PDE4D: variants seen among roughly 807,000 people sequenced by gnomAD.
PDE4D encodes the protein phosphodiesterase 4D.
A neutral mutation model predicts 87.4 loss-of-function variants in PDE4D; 24 were observed. The ratio of observed to expected loss-of-function variants is 0.27; its 90% CI spans 0.20 to 0.39. The LOEUF is 0.39. Ranked by LOEUF, PDE4D falls within the 10% of genes least tolerant of loss-of-function variation. The pLI is 1.00. For synonymous variants in PDE4D, 384 were observed against 383.2 expected (o/e 1.00, Z -0.02); for missense variants, 714 against 1,041.0 (o/e 0.69, Z 4.32).
chr5:59,055,768 A>G lies in PDE4D; in HGVS notation c.809-16797T>C, dbSNP rs143698567. 1.5e-3 allele frequency among the ~76,000 whole-genome samples: 234 copies of G among 152,310 alleles called. 3 individuals carry two copies. Among genetic ancestry groups the G allele is most frequent in the Non-Finnish European group, 1.9e-3 (132 of 68,034 alleles). On this transcript the variant is annotated intron_variant, in intron 5 of 14. Coordinates refer to ENST00000340635, the MANE Select transcript of PDE4D (RefSeq NM_001104631.2). ...TTTTACCTAGCAAGGAGCCTTTTCTATAGACAAAGTTGGGAAACCAGAGGT... is the reference window on the plus strand; with the variant it reads ...TTTTACCTAGCAAGGAGCCTTTTCTGTAGACAAAGTTGGGAAACCAGAGGT...
At chr5:59,011,045 T>A (rs1432571307) in intron 6 of PDE4D, among the ~76,000 whole-genome samples, 1 of 152,114 alleles carries the variant, frequency 6.6e-6, no homozygotes, top group African/African-American at 2.4e-5. Context: ...GGAGTGGACC[T>A]CCAGCAAACT....
At chr5:59,871,518 T>C (rs1399292982) in intron 1 of PDE4D, among the ~76,000 whole-genome samples, 3 of 152,240 alleles carry the variant, frequency 2.0e-5, no homozygotes, top group Non-Finnish European at 4.4e-5. Flanking sequence ...TGATTTGTTA[T>C]GCTACAATAG....
rs373487981 is a variant in PDE4D, at chr5:60,324,661, A to G, written c.-89-138974T>C. Among the ~76,000 whole-genome samples, 201 of 152,348 alleles carry G rather than the reference A, an allele frequency of 1.3e-3. 2 individuals carry two copies. The highest frequency in any genetic ancestry group is 4.5e-3 in the African/African-American group (186 of 41,588). ...TCAAAACAAAGACAAAAACAAAAAT[A>G]AAGAGAGGCTAACTGTGTAGACTGT... On this transcript the variant is annotated intron_variant, in intron 1 of 16. Transcript: ENST00000502484.
rs147393289 is a variant in PDE4D, at chr5:59,526,972, T to C, written c.456-311004A>G. On this transcript the variant is annotated intron_variant, in intron 1 of 14. Transcript: ENST00000340635. ...TTTTTTGTTGGTGTAGCCATTCTCCTATTGATAGACACTGTTCATTTTAAT... is the reference window on the plus strand; with the variant it reads ...TTTTTTGTTGGTGTAGCCATTCTCCCATTGATAGACACTGTTCATTTTAAT... Among the ~76,000 whole-genome samples the C allele has an allele frequency of 4.2e-4, 64 of 152,330 alleles. No homozygotes were observed. In the East Asian group the frequency reaches 9.4e-3, roughly 22 times the overall value.
At chr5:59,294,698 A>G (rs1768719647) in intron 1 of PDE4D, among the ~76,000 whole-genome samples, 1 of 152,218 alleles carries the variant, frequency 6.6e-6, no homozygotes, top group African/African-American at 2.4e-5. Context: ...CACGGACTCA[A>G]TAGATGTTAA....
chr5:59,294,343 T>C (rs1364961593), intron 1 of PDE4D, among the ~76,000 whole-genome samples: 1 of 152,160 alleles, frequency 6.6e-6, no homozygotes, highest in African/African-American at 2.4e-5. Flanking sequence ...CAGCATGAAT[T>C]GTGCTTTCAG....
chr5:60,499,392 C>T (rs948407100), intron 1 of PDE4D, among the ~76,000 whole-genome samples: 6 of 152,146 alleles, frequency 3.9e-5, no homozygotes, highest in Non-Finnish European at 1.5e-5. Context: ...ATTTCATGAA[C>T]TTTCATTGAG....
intron 6 of PDE4D, among the ~76,000 whole-genome samples, chr5:58,995,732 A>G (rs1424752248): frequency 6.6e-6 from 1 of 152,212 alleles, no homozygotes; most frequent in African/African-American, 2.4e-5. Flanking sequence ...AACCATAAAA[A>G]TAGTTACTTA....
intron 3 of PDE4D, among the ~76,000 whole-genome samples, chr5:59,924,323 A>T (rs1827341): frequency 0.083 from 12,642 of 152,208 alleles, 1,017 homozygotes; most frequent in African/African-American, 0.21. Context: ...ATTCAAAGGG[A>T]TAATAACAGA....
chr5:60,300,072 T>C (rs767934579), intron 1 of PDE4D, among the ~76,000 whole-genome samples: 1 of 152,176 alleles, frequency 6.6e-6, no homozygotes, highest in Non-Finnish European at 1.5e-5. Flanking sequence ...TTGTTTTTTT[T>C]ATTCTTAATC....
At chr5:60,249,755 G>A (rs781474717) in intron 1 of PDE4D, among the ~76,000 whole-genome samples, 1 of 151,968 alleles carries the variant, frequency 6.6e-6, no homozygotes, top group Non-Finnish European at 1.5e-5. Context: ...AAAATGGGAT[G>A]AGAAAACAGA....
At chr5:59,865,561 A>G (rs1331526962) in intron 1 of PDE4D, among the ~76,000 whole-genome samples, 2 of 152,196 alleles carry the variant, frequency 1.3e-5, no homozygotes, top group Non-Finnish European at 2.9e-5. Flanking sequence ...TCTAGCAGAA[A>G]TGTCACCATA....
At chr5:59,459,506 G>A (rs1336852917) in intron 1 of PDE4D, among the ~76,000 whole-genome samples, 1 of 152,106 alleles carries the variant, frequency 6.6e-6, no homozygotes, top group Non-Finnish European at 1.5e-5. Context: ...CTGGGGCCAG[G>A]TATCAGTATT....
chr5:59,594,194 G>C (rs1402844773), intron 1 of PDE4D, among the ~76,000 whole-genome samples: 1 of 151,124 alleles, frequency 6.6e-6, no homozygotes, highest in Admixed American at 6.6e-5. Context: ...ACAATCCAGA[G>C]GCCCAGGCTC....
chr5:60,151,444 G>C (rs866684808), intron 2 of PDE4D, among the ~76,000 whole-genome samples: 5 of 151,952 alleles, frequency 3.3e-5, no homozygotes, highest in African/African-American at 9.7e-5. Flanking sequence ...TTTCATTAAC[G>C]TTGTATAGTT....
At chr5:59,035,385 C>A (rs1758321994) in intron 6 of PDE4D, among the ~76,000 whole-genome samples, 1 of 152,132 alleles carries the variant, frequency 6.6e-6, no homozygotes, top group South Asian at 2.1e-4. Flanking sequence ...ATAATTTAAG[C>A]ATTTTTATGA....
intron 1 of PDE4D, among the ~76,000 whole-genome samples, chr5:59,594,508 A>G (rs1360149982): frequency 6.6e-6 from 1 of 151,818 alleles, no homozygotes; most frequent in Non-Finnish European, 1.5e-5. Flanking sequence ...TTCAGTAGAG[A>G]TGAGGTTTTA....
chr5:59,500,642 C>A (rs1231640952), intron 1 of PDE4D, among the ~76,000 whole-genome samples: 4 of 152,114 alleles, frequency 2.6e-5, no homozygotes, highest in Non-Finnish European at 5.9e-5. Context: ...TGTTGAAAAA[C>A]TCCCTATGGT....
At chr5:60,149,912 A>C (rs1358264087) in intron 2 of PDE4D, among the ~76,000 whole-genome samples, 2 of 147,226 alleles carry the variant, frequency 1.4e-5, no homozygotes, top group African/African-American at 4.9e-5. Flanking sequence ...CTAGTATATA[A>C]TTTATATATA....
Sources: allele counts gnomAD v4.1 joint callset (sites outside exome capture counted in the v4.1 genomes callset), GRCh38; gene constraint gnomAD v4.1.1; transcripts MANE v1.5; gene names NCBI Gene and HGNC (gene_info 2026-07-23, HGNC 2026-07-21).